The following FGF14 variants were observed in gnomAD, a reference collection of about 807,000 sequenced individuals.
FGF14 encodes fibroblast growth factor 14.
FGF14 carries 5 observed loss-of-function variants against 25.5 expected under a neutral mutation model. The observed-to-expected ratio is 0.20, with a 90% CI of 0.10 to 0.41. The LOEUF is 0.41. Ranked by LOEUF, FGF14 falls within the 10% of genes least tolerant of loss-of-function variation. The pLI is 1.00. For missense variants in FGF14, 222 were observed against 320.1 expected, an observed-to-expected ratio of 0.69 and a Z score of 2.34; for synonymous variants, 138 against 118.3, an observed-to-expected ratio of 1.17 and a Z score of -1.08.
chr13:102,081,273 G>C (rs1409484698), intron 1 of FGF14, among the ~76,000 whole-genome samples: 1 of 152,112 alleles, frequency 6.6e-6, no homozygotes, highest in African/African-American at 2.4e-5. Flanking sequence ...CTTGCCTTTG[G>C]GCACAAATCC....
chr13:102,060,457 C>T (rs1237478015), intron 1 of FGF14, among the ~76,000 whole-genome samples: 2 of 152,012 alleles, frequency 1.3e-5, no homozygotes, highest in Admixed American at 1.3e-4. Flanking sequence ...ACCCGGGGGG[C>T]AGAGCTTGCA....
chr13:102,152,380 G>A (rs1477417562), intron 1 of FGF14, among the ~76,000 whole-genome samples: 2 of 152,070 alleles, frequency 1.3e-5, no homozygotes, highest in Non-Finnish European at 2.9e-5. Flanking sequence ...CAAGGTTGAG[G>A]TCTTCTGAAG....
intron 1 of FGF14, among the ~76,000 whole-genome samples, chr13:102,240,149 A>G (rs894640597): frequency 7.2e-5 from 11 of 152,192 alleles, no homozygotes; most frequent in African/African-American, 2.4e-4. Flanking sequence ...ATTTTTTATC[A>G]GCATCATAGG....
chr13:101,947,745 T>C (rs1242460144), intron 1 of FGF14, among the ~76,000 whole-genome samples: 3 of 152,182 alleles, frequency 2.0e-5, no homozygotes, highest in East Asian at 1.9e-4. Context: ...TCCCACTACA[T>C]AGGTGACAGG....
chr13:101,873,085 A>G (rs1213027689), intron 2 of FGF14, among the ~76,000 whole-genome samples: 2 of 152,028 alleles, frequency 1.3e-5, no homozygotes, highest in Admixed American at 1.3e-4. Context: ...TTAGTATCTC[A>G]GCTTTCCAGT....
At chr13:102,284,852 G>C (rs573648250) in intron 1 of FGF14, among the ~76,000 whole-genome samples, 3 of 152,070 alleles carry the variant, frequency 2.0e-5, no homozygotes, top group African/African-American at 7.2e-5. Context: ...GGTTCTTATT[G>C]CAAATAGTCA....
At chr13:102,147,259 T>C (rs991462353) in intron 1 of FGF14, among the ~76,000 whole-genome samples, 2 of 152,210 alleles carry the variant, frequency 1.3e-5, no homozygotes, top group African/African-American at 4.8e-5. Flanking sequence ...AAGCAATTGA[T>C]AGGATTCAAA....
intron 1 of FGF14, among the ~76,000 whole-genome samples, chr13:102,370,106 C>T (rs767383919): frequency 3.9e-5 from 6 of 152,172 alleles, no homozygotes; most frequent in Non-Finnish European, 5.9e-5. Flanking sequence ...ATGCTCCTAC[C>T]TCAGCCTCCT....
chr13:101,734,019 T>TCTGTGTG (rs1223460999), intron 3 of FGF14, among the ~76,000 whole-genome samples: 1 of 151,964 alleles, frequency 6.6e-6, no homozygotes, highest in Non-Finnish European at 1.5e-5. Context: ...TAAGGAGATG[T>TCTGTGTG]CTGTGTGTGT....
chr13:102,295,680 T>C (rs1232777337), intron 1 of FGF14, among the ~76,000 whole-genome samples: 1 of 152,174 alleles, frequency 6.6e-6, no homozygotes, highest in Admixed American at 6.6e-5. Context: ...TAGGATTTTC[T>C]CTCCAAAGGT....
intron 3 of FGF14, among the ~76,000 whole-genome samples, chr13:101,789,763 TA>T (rs1191056629): frequency 6.6e-6 from 1 of 151,866 alleles, no homozygotes; most frequent in Non-Finnish European, 1.5e-5. Flanking sequence ...TTTTCTAAGA[TA>T]AAAAAGTATA....
In FGF14 at chr13:101,719,995, A is replaced by G. The variant is rs1439472875; in HGVS notation, c.*2836T>C. ...CAACTTATTTACATGACATTTCTCT[A>G]TATTGGTGAGTAATGCAATGCCATT... is the stretch of plus-strand genomic sequence containing the variant. On this transcript the variant is annotated 3_prime_UTR_variant, in exon 5 of 5. Coordinates refer to ENST00000376143, the MANE Select transcript of FGF14 (RefSeq NM_004115.4). 1 of 152,166 alleles carries G rather than the reference A, an allele frequency of 6.6e-6. No homozygotes were observed. The highest frequency in any genetic ancestry group is 1.5e-5 in the Non-Finnish European group (1 of 68,016). The allele number at this position is 152,166 out of a possible 1,614,324, so 9.4% of individuals were successfully genotyped here.
chr13:102,093,235 T>A (rs2044247693), intron 1 of FGF14, among the ~76,000 whole-genome samples: 1 of 152,156 alleles, frequency 6.6e-6, no homozygotes, highest in Non-Finnish European at 1.5e-5. Context: ...ATAAAATATA[T>A]GTCAATACAA....
chr13:101,915,571 G>C (rs573008296), intron 1 of FGF14, among the ~76,000 whole-genome samples: 103 of 152,228 alleles, frequency 6.8e-4, no homozygotes, highest in Non-Finnish European at 1.3e-3. Flanking sequence ...AGACAAAAGC[G>C]CCTGGCTCCT....
chr13:102,167,894 G>A (rs925503564), intron 1 of FGF14, among the ~76,000 whole-genome samples: 1 of 151,380 alleles, frequency 6.6e-6, no homozygotes, highest in Non-Finnish European at 1.5e-5. Context: ...TTTAGGTGAT[G>A]GATCAATAAA....
chr13:102,304,161 T>C (rs972023158), intron 1 of FGF14, among the ~76,000 whole-genome samples: 6 of 152,074 alleles, frequency 3.9e-5, no homozygotes, highest in Non-Finnish European at 5.9e-5. Flanking sequence ...TCTCTAATGA[T>C]AAATAGCAAG....
chr13:102,096,017 A>ATAAT (rs1555356808), intron 1 of FGF14, among the ~76,000 whole-genome samples: 3 of 144,260 alleles, frequency 2.1e-5, no homozygotes, highest in Non-Finnish European at 4.6e-5. Context: ...ATATATATAT[A>ATAAT]ATATATTTCT....
chr13:102,385,279 T>C lies in FGF14; in HGVS notation c.208+16192A>G, dbSNP rs368087070. Among the ~76,000 whole-genome samples the C allele has an allele frequency of 4.3e-4, 66 of 152,330 alleles. 1 individual carries two copies. The highest frequency in any genetic ancestry group is 1.6e-3 in the African/African-American group (65 of 41,578). On this transcript the variant is annotated intron_variant, in intron 1 of 4. Coordinates refer to the FGF14 transcript ENST00000376131. ...ATGGTATCAGACAACCCTGAACCTATAGAAGAACCTATAATGTAACTTAAA... is the reference window on the plus strand; with the variant it reads ...ATGGTATCAGACAACCCTGAACCTACAGAAGAACCTATAATGTAACTTAAA...
chr13:101,992,451 C>A (rs2038961201), intron 1 of FGF14, among the ~76,000 whole-genome samples: 1 of 152,016 alleles, frequency 6.6e-6, no homozygotes, highest in Admixed American at 6.6e-5. Flanking sequence ...TAAAACAAAA[C>A]AAAAACCTCA....
Sources: allele counts gnomAD v4.1 joint callset (sites outside exome capture counted in the v4.1 genomes callset), GRCh38; gene constraint gnomAD v4.1.1; transcripts MANE v1.5; gene names NCBI Gene and HGNC (gene_info 2026-07-23, HGNC 2026-07-21).